OR1J2: variants seen among roughly 807,000 people sequenced by gnomAD.
The protein encoded by OR1J2 is olfactory receptor family 1 subfamily J member 2, also known as olfactory receptor 1J2.
For synonymous variants in OR1J2, 142 were observed against 99.7 expected (o/e 1.42, Z -2.52); for missense variants, 304 against 246.1 (o/e 1.24, Z -1.57).
the OR1J2 span, among the ~76,000 whole-genome samples, chr9:122,575,835 GATCTCTAGACTTGTTCATGCT>G: frequency 6.6e-6 from 1 of 152,096 alleles, no homozygotes; most frequent in African/African-American, 2.4e-5. Flanking sequence ...TTGTACATTA[GATCTCTAGACTTGTTCATGCT>G]TCATGTCTGT....
At chr9:122,557,569 G>T in the OR1J2 span, among the ~76,000 whole-genome samples, 1 of 151,948 alleles carries the variant, frequency 6.6e-6, no homozygotes, top group Non-Finnish European at 1.5e-5. Flanking sequence ...CTTGGATATG[G>T]TGTATAATTC....
chr9:122,553,195 C>T, the OR1J2 span: 1 of 1,611,704 alleles, frequency 6.2e-7, no homozygotes, highest in Non-Finnish European at 8.5e-7. Context: ...CTGCGCAGAT[C>T]ACACGAACTA....
chr9:122,570,179 C>A, the OR1J2 span, among the ~76,000 whole-genome samples: 6 of 149,564 alleles, frequency 4.0e-5, no homozygotes, highest in Middle Eastern at 3.2e-3. Context: ...ATTTATAGTC[C>A]TTTGGGTATA....
chr9:122,474,365 A>G, the OR1J2 span, among the ~76,000 whole-genome samples: 2 of 152,158 alleles, frequency 1.3e-5, no homozygotes, highest in East Asian at 3.8e-4. Context: ...TTCTTGCTCA[A>G]ATGTGGCTAA....
At chr9:122,527,259 A>G in the OR1J2 span, 1 of 1,612,136 alleles carries the variant, frequency 6.2e-7, no homozygotes, top group African/African-American at 1.3e-5. Context: ...TATTCCTCGG[A>G]GGAAAAATTC....
chr9:122,480,867 T>C, the OR1J2 span, among the ~76,000 whole-genome samples: 1 of 152,138 alleles, frequency 6.6e-6, no homozygotes, highest in Admixed American at 6.5e-5. Context: ...CAATCCCGGC[T>C]CACTGCAACC....
the OR1J2 span, among the ~76,000 whole-genome samples, chr9:122,534,653 C>G: frequency 3.3e-5 from 5 of 151,964 alleles, no homozygotes; most frequent in African/African-American, 1.2e-4. Context: ...GGACCTAGCT[C>G]GGCCTGGCGA....
the OR1J2 span, among the ~76,000 whole-genome samples, chr9:122,551,430 A>T: frequency 6.6e-6 from 1 of 152,118 alleles, no homozygotes; most frequent in Non-Finnish European, 1.5e-5. Context: ...TTTTGAGGGT[A>T]TTGTTTCCAT....
At chr9:122,528,106 C>T in the OR1J2 span, among the ~76,000 whole-genome samples, 2 of 152,186 alleles carry the variant, frequency 1.3e-5, no homozygotes, top group African/African-American at 4.8e-5. Context: ...TCTAGGACCA[C>T]ATTTATATTT....
the OR1J2 span, among the ~76,000 whole-genome samples, chr9:122,452,605 T>C: frequency 6.6e-6 from 1 of 152,226 alleles, no homozygotes; most frequent in Non-Finnish European, 1.5e-5. Flanking sequence ...ATTCAAATAC[T>C]GTGATATGGT....
downstream of OR1J2, among the ~76,000 whole-genome samples, chr9:122,512,647 A>G (rs1256823209): frequency 6.6e-6 from 1 of 152,206 alleles, no homozygotes; most frequent in Non-Finnish European, 1.5e-5. Context: ...CCCAGTCTCT[A>G]AATTATCTCA....
the OR1J2 span, among the ~76,000 whole-genome samples, chr9:122,450,764 C>T: frequency 6.6e-6 from 1 of 152,268 alleles, no homozygotes; most frequent in South Asian, 2.1e-4. Context: ...TCCCCCATCC[C>T]CCTCCTCTGC....
the OR1J2 span, among the ~76,000 whole-genome samples, chr9:122,528,566 C>T: frequency 6.6e-6 from 1 of 152,076 alleles, no homozygotes; most frequent in Non-Finnish European, 1.5e-5. Flanking sequence ...CCATTGCACT[C>T]CAGCCTGGGC....
At chr9:122,516,527 T>TTTCCTG (rs1828702480), downstream of OR1J2, among the ~76,000 whole-genome samples, 1 of 151,950 alleles carries the variant, frequency 6.6e-6, no homozygotes, top group Non-Finnish European at 1.5e-5. Context: ...ATGGTCTCGA[T>TTTCCTG]TTCCTGACCT....
the OR1J2 span, among the ~76,000 whole-genome samples, chr9:122,450,158 G>C: frequency 6.6e-6 from 1 of 152,048 alleles, no homozygotes; most frequent in Non-Finnish European, 1.5e-5. Flanking sequence ...GGCCGTGCAT[G>C]GTGGCTCATG....
the OR1J2 span, among the ~76,000 whole-genome samples, chr9:122,474,899 C>T: frequency 2.0e-5 from 3 of 152,152 alleles, no homozygotes; most frequent in Non-Finnish European, 4.4e-5. Context: ...CAGTGGACTC[C>T]GTGTCTAAGC....
At chr9:122,508,307 G>A (rs1046013001), upstream of OR1J2, among the ~76,000 whole-genome samples, 2 of 152,130 alleles carry the variant, frequency 1.3e-5, no homozygotes, top group African/African-American at 2.4e-5. Flanking sequence ...GTATGTTAGG[G>A]TGGGGATGTC....
At chr9:122,448,201 G>T in the OR1J2 span, among the ~76,000 whole-genome samples, 1 of 152,174 alleles carries the variant, frequency 6.6e-6, no homozygotes, top group Non-Finnish European at 1.5e-5. Context: ...ATGTGCAAAG[G>T]AATCTGTGTC....
At chr9:122,463,389 T>G in the OR1J2 span, among the ~76,000 whole-genome samples, 3 of 152,324 alleles carry the variant, frequency 2.0e-5, no homozygotes, top group East Asian at 5.8e-4. Context: ...CCTCCCTGAT[T>G]GGCTTAATAG....
Sources: gnomAD v4.1 joint callset for allele counts (sites outside exome capture counted in the v4.1 genomes callset) on GRCh38, gnomAD v4.1.1 for gene constraint, MANE v1.5 for transcripts, NCBI Gene and HGNC (gene_info 2026-07-23, HGNC 2026-07-21) for gene names.